OR3A2: variants seen among roughly 807,000 people sequenced by gnomAD.
OR3A2 encodes the protein olfactory receptor family 3 subfamily A member 2.
For missense variants in OR3A2, 318 were observed against 392.8 expected (o/e 0.81, Z 1.61); for synonymous variants, 126 against 159.3 (o/e 0.79, Z 1.57).
At chr17:3,343,346 G>A (rs772231115) in intron 2 of OR3A2, among the ~76,000 whole-genome samples, 1 of 152,188 alleles carries the variant, frequency 6.6e-6, no homozygotes, top group Non-Finnish European at 1.5e-5. Flanking sequence ...TGTCGATCAT[G>A]CTGGAAGCTG....
chr17:3,330,899 G>T (rs1368675569), intron 3 of OR3A2, among the ~76,000 whole-genome samples: 1 of 151,808 alleles, frequency 6.6e-6, no homozygotes, highest in Non-Finnish European at 1.5e-5. Flanking sequence ...CTCTTTTAGG[G>T]CAGGCCTGGT....
chr17:3,371,005 C>T (rs2049611477), intron 2 of OR3A2, among the ~76,000 whole-genome samples: 2 of 152,072 alleles, frequency 1.3e-5, no homozygotes, highest in Middle Eastern at 3.2e-3. Context: ...AAAAGTCTCC[C>T]ATGTCTACCT....
At chr17:3,282,019 T>C (rs879941467) in intron 1 of OR3A2, among the ~76,000 whole-genome samples, 4 of 152,108 alleles carry the variant, frequency 2.6e-5, no homozygotes, top group Non-Finnish European at 5.9e-5. Context: ...TGATGGCTTG[T>C]TTCCCTCTTC....
intron 3 of OR3A2, among the ~76,000 whole-genome samples, chr17:3,312,838 G>C (rs911821228): frequency 2.0e-5 from 3 of 152,128 alleles, no homozygotes; most frequent in African/African-American, 7.2e-5. Flanking sequence ...TGGCCAGGCT[G>C]GTCTTGAAGT....
chr17:3,279,175 AG>A (rs1264019267), intron 1 of OR3A2, 22 bp from the exon 4 acceptor site: 1 of 603,474 alleles, frequency 1.7e-6, no homozygotes, highest in Non-Finnish European at 2.9e-6. Flanking sequence ...TGAGAACTAT[AG>A]TTAATAAAGT....
intron 2 of OR3A2, among the ~76,000 whole-genome samples, chr17:3,364,960 CTATTA>C (rs1457266885): frequency 1.3e-5 from 2 of 150,890 alleles, no homozygotes; most frequent in African/African-American, 2.4e-5. Context: ...TTACATTATT[CTATTA>C]TAATTCCATT....
intron 3 of OR3A2, chr17:3,291,360 C>G: frequency 3.0e-6 from 1 of 338,776 alleles, no homozygotes; most frequent in Non-Finnish European, 5.4e-6. Flanking sequence ...TGTCAGCACT[C>G]ACAGCTTCCT....
chr17:3,324,234 T>C (rs147694110), intron 3 of OR3A2, among the ~76,000 whole-genome samples: 2,184 of 152,190 alleles, frequency 0.014, 60 homozygotes, highest in African/African-American at 0.049. Context: ...CTTCTCTGCA[T>C]TGGTTGTTCT....
At chr17:3,310,021 C>A in intron 3 of OR3A2, 1 of 211,242 alleles carries the variant, frequency 4.7e-6, no homozygotes, top group Non-Finnish European at 9.7e-6. Flanking sequence ...TTTCCCTTTA[C>A]CTTTCTAATG....
intron 2 of OR3A2, among the ~76,000 whole-genome samples, chr17:3,338,956 G>C (rs1201830792): frequency 6.6e-6 from 1 of 152,124 alleles, no homozygotes; most frequent in Non-Finnish European, 1.5e-5. Flanking sequence ...GCAGTGGTTT[G>C]TAGCTCTCCT....
At chr17:3,355,561 C>A (rs1031091185) in intron 2 of OR3A2, among the ~76,000 whole-genome samples, 4 of 151,206 alleles carry the variant, frequency 2.6e-5, no homozygotes, top group African/African-American at 9.8e-5. Flanking sequence ...GACCCCTTTA[C>A]CATTATATAA....
intron 3 of OR3A2, among the ~76,000 whole-genome samples, chr17:3,324,205 C>T (rs1039947131): frequency 1.3e-5 from 2 of 152,096 alleles, no homozygotes; most frequent in African/African-American, 4.8e-5. Context: ...GTTTTCAGCT[C>T]CATCAGGTCT....
chr17:3,367,275 T>A (rs1258309944), intron 2 of OR3A2, among the ~76,000 whole-genome samples: 1 of 152,146 alleles, frequency 6.6e-6, no homozygotes, highest in Non-Finnish European at 1.5e-5. Context: ...GAAGAAGTTA[T>A]TCGGTAGTGA....
At position 3,342,016 on chromosome 17, in the gene OR3A2, A is replaced by G. The variant is rs138163434; in HGVS notation, c.-178-5890T>C. Among the ~76,000 whole-genome samples, 583 of 152,040 alleles carry G rather than the reference A, an allele frequency of 3.8e-3. 11 individuals are homozygous for G. In the East Asian group the frequency reaches 0.059, roughly 15 times the overall value. ...CTTCTTGCTTTATTTCATTAATTTG[A>G]TCTTCAATCACTAATACTCTTTCTT... On this transcript the variant is annotated intron_variant, in intron 2 of 4. Transcript: ENST00000573491.
intron 2 of OR3A2, among the ~76,000 whole-genome samples, chr17:3,336,911 C>A (rs1421450481): frequency 6.6e-6 from 1 of 152,212 alleles, no homozygotes; most frequent in African/African-American, 2.4e-5. Context: ...TTTAGCTCCT[C>A]TTCAGAAAGA....
chr17:3,347,142 T>A (rs1191715994), intron 2 of OR3A2, among the ~76,000 whole-genome samples: 2 of 152,198 alleles, frequency 1.3e-5, no homozygotes, highest in Non-Finnish European at 2.9e-5. Flanking sequence ...CTGTACTAAT[T>A]TACATTTCTA....
rs533251454 is a variant in OR3A2, at chr17:3,330,823, T to G, written c.-85+5210A>C. On this transcript the variant is annotated intron_variant, in intron 3 of 4. Transcript: ENST00000573491. ...TTCCTATTCTCGATGGTCTTTAAAT[T>G]TTGGCATGATTTTGCAGCAGCTGGT... Among the ~76,000 whole-genome samples the G allele has an allele frequency of 5.9e-3, 897 of 152,216 alleles. 2 individuals carry two copies. The highest frequency in any genetic ancestry group is 9.7e-3 in the Non-Finnish European group (658 of 68,002).
At chr17:3,315,796 A>G (rs1233833374) in intron 3 of OR3A2, among the ~76,000 whole-genome samples, 1 of 147,716 alleles carries the variant, frequency 6.8e-6, no homozygotes, top group African/African-American at 2.5e-5. Context: ...TGAGTCTACT[A>G]TAGTGTTTTC....
At chr17:3,352,422 A>C (rs954127113) in intron 2 of OR3A2, among the ~76,000 whole-genome samples, 4 of 152,036 alleles carry the variant, frequency 2.6e-5, no homozygotes, top group Non-Finnish European at 5.9e-5. Context: ...TTTTGATTTG[A>C]TTTTTATTTA....
Sources: allele counts gnomAD v4.1 joint callset (sites outside exome capture counted in the v4.1 genomes callset), GRCh38; gene constraint gnomAD v4.1.1; transcripts MANE v1.5; gene names NCBI Gene and HGNC (gene_info 2026-07-23, HGNC 2026-07-21).